Variants in PDZRN3 observed in about 807,000 individuals in gnomAD.
PDZRN3 encodes E3 ubiquitin-protein ligase PDZRN3.
In PDZRN3, 38 loss-of-function variants were observed where a neutral mutation model predicts 85.7. The ratio of observed to expected loss-of-function variants is 0.44; its 90% confidence interval spans 0.34 to 0.58. The LOEUF is 0.58. Among genes scored for constraint, PDZRN3 ranks in the 20% least tolerant of loss-of-function variants. The probability of loss-of-function intolerance (pLI) is 0.01; values close to 1 mark genes in which losing one functional copy is unlikely to be tolerated. For missense variants in PDZRN3, 1,629 were observed against 1,506.4 expected (o/e 1.08, Z -1.35); for synonymous variants, 759 against 638.0 (o/e 1.19, Z -2.86).
intron 3 of PDZRN3, among the ~76,000 whole-genome samples, chr3:73,524,093 T>C (rs185150747): frequency 3.9e-5 from 6 of 152,326 alleles, no homozygotes; most frequent in Admixed American, 3.3e-4. Context: ...AGGCACTATA[T>C]TCAGGGTATT....
At chr3:73,553,186 G>C (rs1701603906) in intron 3 of PDZRN3, among the ~76,000 whole-genome samples, 1 of 152,184 alleles carries the variant, frequency 6.6e-6, no homozygotes, top group South Asian at 2.1e-4. Context: ...AATATGGGAA[G>C]GTCATGCACC....
At chr3:73,545,039 G>A (rs1235130453) in intron 3 of PDZRN3, among the ~76,000 whole-genome samples, 7 of 152,124 alleles carry the variant, frequency 4.6e-5, no homozygotes, top group African/African-American at 1.4e-4. Context: ...AAAAAGGTCC[G>A]CTTAGATTAT....
intron 3 of PDZRN3, among the ~76,000 whole-genome samples, chr3:73,527,395 G>A (rs190077959): frequency 1.5e-4 from 23 of 151,934 alleles, no homozygotes; most frequent in Admixed American, 2.6e-4. Flanking sequence ...CATTAGAAAC[G>A]GATATCTTGC....
intron 8 of PDZRN3, among the ~76,000 whole-genome samples, chr3:73,386,484 G>A (rs1701390086): frequency 6.6e-6 from 1 of 152,138 alleles, no homozygotes; most frequent in East Asian, 1.9e-4. Context: ...GTGAGCCACT[G>A]AGCCTGGCTG....
At chr3:73,493,418 C>A (rs906260465) in intron 3 of PDZRN3, among the ~76,000 whole-genome samples, 3 of 152,162 alleles carry the variant, frequency 2.0e-5, no homozygotes, top group Admixed American at 6.5e-5. Context: ...TAAGTATCAC[C>A]TCAGAAGCAT....
intron 3 of PDZRN3, among the ~76,000 whole-genome samples, chr3:73,534,412 A>G (rs909515583): frequency 2.0e-5 from 3 of 152,170 alleles, no homozygotes; most frequent in Admixed American, 6.5e-5. Flanking sequence ...TGAATTTGGG[A>G]CATCCCTACA....
intron 3 of PDZRN3, among the ~76,000 whole-genome samples, chr3:73,499,349 G>A (rs1243358061): frequency 5.9e-5 from 9 of 152,156 alleles, no homozygotes; most frequent in Admixed American, 2.6e-4. Context: ...GCTGGCCCCA[G>A]GTGACGCTGG....
intron 3 of PDZRN3, among the ~76,000 whole-genome samples, chr3:73,458,267 G>A (rs1018287453): frequency 6.6e-5 from 10 of 151,786 alleles, no homozygotes; most frequent in African/African-American, 2.4e-4. Context: ...GATTCTGCTC[G>A]GTGCCCAGCA....
chr3:73,531,368 G>A (rs1043414935), intron 3 of PDZRN3, among the ~76,000 whole-genome samples: 2 of 151,670 alleles, frequency 1.3e-5, no homozygotes, highest in Admixed American at 6.6e-5. Flanking sequence ...GCTTCTCCAC[G>A]GTCAGTCATG....
chr3:73,446,964 A>G (rs1702759602), intron 3 of PDZRN3, among the ~76,000 whole-genome samples: 1 of 151,378 alleles, frequency 6.6e-6, no homozygotes, highest in Admixed American at 6.6e-5. Flanking sequence ...TGACAGTCAG[A>G]CAATGATATG....
Position 73,388,083 on chromosome 3 carries a change from A to AAC in PDZRN3, c.1417-15_1417-14insGT. On this transcript the variant is annotated splice_polypyrimidine_tract_variant and intron_variant, in intron 7 of 9. Coordinates refer to ENST00000263666, the MANE Select transcript of PDZRN3 (RefSeq NM_015009.3). The stretch of plus-strand genomic sequence containing the variant: ...TATCCCATTAATCTTTTAAAAAAAA[A>AAC]GGGGGGGTGGGGAGAGTGGGGAGAC... 3.1e-4 allele frequency: 285 copies of AAC among 907,954 alleles called. No homozygotes were observed. Among genetic ancestry groups the AAC allele is most frequent in the Non-Finnish European group, 4.4e-4 (259 of 588,748 alleles). The allele number at this position is 907,954 out of a possible 1,614,324, so 56.2% of individuals were successfully genotyped here. A position where few individuals can be genotyped will look rare whatever the true frequency, so the allele number is the denominator to read the frequency against.
At chr3:73,416,468 G>T (rs972281649) in intron 3 of PDZRN3, among the ~76,000 whole-genome samples, 1 of 151,644 alleles carries the variant, frequency 6.6e-6, no homozygotes, top group Non-Finnish European at 1.5e-5. Context: ...ATGGGCTCTG[G>T]ATCGCAAGTC....
At chr3:73,520,397 T>C (rs1704336728) in intron 3 of PDZRN3, among the ~76,000 whole-genome samples, 1 of 151,890 alleles carries the variant, frequency 6.6e-6, no homozygotes, top group African/African-American at 2.4e-5. Flanking sequence ...CCAGCAACTT[T>C]GGAGGCTGAG....
At chr3:73,618,739 C>A (rs1702805212) in intron 1 of PDZRN3, among the ~76,000 whole-genome samples, 1 of 152,182 alleles carries the variant, frequency 6.6e-6, no homozygotes, top group Non-Finnish European at 1.5e-5. Context: ...AACAGAATTG[C>A]CAATTCAAAT....
intron 2 of PDZRN3, among the ~76,000 whole-genome samples, chr3:73,607,678 C>T (rs1702623000): frequency 6.6e-6 from 1 of 152,098 alleles, no homozygotes; most frequent in Non-Finnish European, 1.5e-5. Context: ...CTGCCATGTG[C>T]CATCCTCCCA....
intron 6 of PDZRN3, 133 bp downstream of exon 6, chr3:73,390,885 T>G (rs114261537): frequency 1.3e-5 from 8 of 638,084 alleles, no homozygotes. Flanking sequence ...CCATGGAGTG[T>G]GATGAGGGGG....
rs969699190 is a variant in PDZRN3 at position 73,387,876 on chromosome 3, C to T, written c.1518+92G>A. ...CCAGGGAACAAAGCACCTTCAAGTT[C>T]GCAGCCAATACTCAGGTGCTCTTTT... On this transcript the variant is annotated intron_variant, in intron 8 of 9. Transcript: ENST00000263666. The T allele has an allele frequency of 5.2e-5, 33 of 636,770 alleles. 1 individual carries two copies. The highest frequency in any genetic ancestry group is 2.6e-4 in the Middle Eastern group (1 of 3,892). The allele number at this position is 636,770 out of a possible 1,614,324, so 39.4% of individuals were successfully genotyped here. A position where few individuals can be genotyped will look rare whatever the true frequency, so the allele number is the denominator to read the frequency against.
intron 3 of PDZRN3, among the ~76,000 whole-genome samples, chr3:73,478,104 G>A (rs1480749579): frequency 6.6e-6 from 1 of 152,162 alleles, no homozygotes; most frequent in Non-Finnish European, 1.5e-5. Context: ...TCAAAGCAAA[G>A]AAGGGTGAAT....
chr3:73,547,541 G>A (rs1463175058), intron 3 of PDZRN3, among the ~76,000 whole-genome samples: 1 of 152,206 alleles, frequency 6.6e-6, no homozygotes, highest in Non-Finnish European at 1.5e-5. Context: ...GCTCCTCCTC[G>A]AGGTTCTGGT....
Sources: gnomAD v4.1 joint callset for allele counts (sites outside exome capture counted in the v4.1 genomes callset) on GRCh38, gnomAD v4.1.1 for gene constraint, MANE v1.5 for transcripts, NCBI Gene and HGNC (gene_info 2026-07-23, HGNC 2026-07-21) for gene names.